Variants in GRID2 observed in about 807,000 individuals in gnomAD.
GRID2 encodes the protein glutamate ionotropic receptor delta type subunit 2.
A neutral mutation model predicts 114.8 loss-of-function variants in GRID2; 33 were observed. That is an observed-to-expected ratio of 0.29 (90% CI 0.22 to 0.38). The LOEUF (loss-of-function observed/expected upper bound fraction) is 0.38. Among genes scored for constraint, GRID2 ranks in the 10% least tolerant of loss-of-function variants. GRID2 has a pLI of 1.00. For missense variants in GRID2, 1,184 were observed against 1,257.7 expected (o/e 0.94, Z 0.89); for synonymous variants, 505 against 449.9 (o/e 1.12, Z -1.55).
chr4:93,066,537 G>A (rs920778188), intron 2 of GRID2, among the ~76,000 whole-genome samples: 3 of 151,826 alleles, frequency 2.0e-5, no homozygotes, highest in African/African-American at 4.8e-5. Flanking sequence ...GAATACATCC[G>A]AGACTTCTGG....
chr4:93,025,611 T>C (rs1193676170), intron 2 of GRID2, among the ~76,000 whole-genome samples: 1 of 151,778 alleles, frequency 6.6e-6, no homozygotes, highest in Non-Finnish European at 1.5e-5. Context: ...AACATTTACC[T>C]ATAATAATAT....
chr4:93,393,650 A>C (rs1460180272), intron 8 of GRID2, among the ~76,000 whole-genome samples: 1 of 151,988 alleles, frequency 6.6e-6, no homozygotes, highest in Non-Finnish European at 1.5e-5. Flanking sequence ...AAAAGAAAAC[A>C]TCATTCTGAG....
At chr4:92,567,793 C>T (rs7681873) in intron 1 of GRID2, among the ~76,000 whole-genome samples, 14 of 151,792 alleles carry the variant, frequency 9.2e-5, no homozygotes, top group African/African-American at 1.9e-4. Context: ...ATCATATAAT[C>T]GTATTTTATC....
At chr4:93,677,591 G>A (rs536263052) in intron 14 of GRID2, among the ~76,000 whole-genome samples, 2 of 152,216 alleles carry the variant, frequency 1.3e-5, no homozygotes, top group Admixed American at 1.3e-4. Context: ...AACTTCCAGA[G>A]GAACCATCAG....
At chr4:92,961,934 A>C (rs967104401) in intron 2 of GRID2, among the ~76,000 whole-genome samples, 6 of 151,746 alleles carry the variant, frequency 4.0e-5, no homozygotes, top group African/African-American at 1.5e-4. Context: ...TCTTCTCTCA[A>C]CCATGACCGA....
At chr4:92,692,114 G>T (rs1734211048) in intron 2 of GRID2, among the ~76,000 whole-genome samples, 1 of 152,002 alleles carries the variant, frequency 6.6e-6, no homozygotes, top group South Asian at 2.1e-4. Context: ...CATTTTTGAA[G>T]CAAAATTAAG....
chr4:93,362,331 G>A (rs4693315), intron 8 of GRID2, among the ~76,000 whole-genome samples: 34,575 of 151,722 alleles, frequency 0.23, 4,960 homozygotes, highest in Non-Finnish European at 0.33. Flanking sequence ...GCCGGGGGAC[G>A]GGTTGTGGAC....
intron 1 of GRID2, among the ~76,000 whole-genome samples, chr4:92,454,462 AATAC>A (rs753588079): frequency 1.1e-4 from 17 of 152,362 alleles, no homozygotes; most frequent in Non-Finnish European, 2.2e-4. Context: ...AACTAAAATT[AATAC>A]ATTTATTAAC....
At chr4:92,704,723 T>TCTCTCTTTCTCTCTC (rs1734861937) in intron 2 of GRID2, among the ~76,000 whole-genome samples, 1 of 90,050 alleles carries the variant, frequency 1.1e-5, no homozygotes, top group Admixed American at 1.2e-4. Flanking sequence ...CTCTCTCTCT[T>TCTCTCTTTCTCTCTC]TCTCTCTCTC....
chr4:93,082,643 A>T (rs1406202358), intron 2 of GRID2, among the ~76,000 whole-genome samples: 1 of 152,134 alleles, frequency 6.6e-6, no homozygotes, highest in Non-Finnish European at 1.5e-5. Flanking sequence ...ACGATCTCTA[A>T]ATTATCTTTT....
chr4:93,776,688 G>C (rs957660062), downstream of GRID2, among the ~76,000 whole-genome samples: 3 of 152,284 alleles, frequency 2.0e-5, no homozygotes, highest in South Asian at 6.2e-4. Context: ...AATTGAAACT[G>C]TCTTCTTGGT....
At chr4:92,941,585 C>T (rs1212212647) in intron 2 of GRID2, among the ~76,000 whole-genome samples, 1 of 151,950 alleles carries the variant, frequency 6.6e-6, no homozygotes, top group African/African-American at 2.4e-5. Flanking sequence ...CTGCTCTGAT[C>T]TTAATTATTT....
intron 2 of GRID2, among the ~76,000 whole-genome samples, chr4:92,638,657 AAATT>A (rs1472170978): frequency 6.7e-5 from 10 of 150,370 alleles, no homozygotes; most frequent in Middle Eastern, 7.3e-3. Flanking sequence ...AAGATAATAC[AAATT>A]AATTGAAATA....
intron 10 of GRID2, among the ~76,000 whole-genome samples, chr4:93,444,349 G>T (rs926812910): frequency 6.6e-6 from 1 of 151,972 alleles, no homozygotes; most frequent in African/African-American, 2.4e-5. Context: ...TAAAGAGGGA[G>T]CTAGGAGAAG....
chr4:93,411,772 T>C (rs1049922872), intron 9 of GRID2, among the ~76,000 whole-genome samples: 2 of 152,102 alleles, frequency 1.3e-5, no homozygotes, highest in African/African-American at 4.8e-5. Context: ...GTAGATTTTT[T>C]CAGCCACTTA....
At chr4:92,595,223 T>A (rs1728890497) in intron 2 of GRID2, among the ~76,000 whole-genome samples, 3 of 151,994 alleles carry the variant, frequency 2.0e-5, no homozygotes, top group Admixed American at 2.0e-4. Flanking sequence ...AATACTTTTT[T>A]ATGTATTGCA....
intron 1 of GRID2, among the ~76,000 whole-genome samples, chr4:92,485,100 C>T (rs1196923224): frequency 2.7e-5 from 4 of 150,346 alleles, no homozygotes; most frequent in South Asian, 2.1e-4. Flanking sequence ...CTCTTATTTT[C>T]GATATTGCTA....
intron 2 of GRID2, among the ~76,000 whole-genome samples, chr4:93,060,031 C>T (rs955225923): frequency 3.3e-5 from 5 of 151,502 alleles, no homozygotes; most frequent in African/African-American, 1.2e-4. Context: ...TTTTTGTCTG[C>T]TTATAGTTTA....
intron 2 of GRID2, among the ~76,000 whole-genome samples, chr4:93,012,791 T>C (rs1393509147): frequency 1.3e-5 from 2 of 152,076 alleles, no homozygotes; most frequent in Non-Finnish European, 2.9e-5. Context: ...TTATTCTTAC[T>C]ATGGAGAAAT....
Sources: gnomAD v4.1 joint callset for allele counts (sites outside exome capture counted in the v4.1 genomes callset) on GRCh38, gnomAD v4.1.1 for gene constraint, MANE v1.5 for transcripts, NCBI Gene and HGNC (gene_info 2026-07-23, HGNC 2026-07-21) for gene names.